The following SBNO2 variants were observed in gnomAD, a reference collection of about 807,000 sequenced individuals.
SBNO2 encodes strawberry notch homolog 2.
SBNO2 carries 89 observed loss-of-function variants against 146.3 expected under a neutral mutation model. That is an observed-to-expected ratio of 0.61 (90% CI 0.51 to 0.73). The LOEUF (loss-of-function observed/expected upper bound fraction) is 0.73, where lower values mean the gene tolerates loss of function less well. Ranked by LOEUF, SBNO2 falls within the 30% of genes least tolerant of loss-of-function variation. The pLI is 0.00. For missense variants in SBNO2, 2,092 were observed against 2,003.7 expected (o/e 1.04, Z -0.84); for synonymous variants, 1,147 against 892.6 (o/e 1.29, Z -5.08).
At chr19:1,123,157 TG>T in intron 7 of SBNO2, 112 bp from the exon 8 acceptor site, 3 of 1,253,758 alleles carry the variant, frequency 2.4e-6, no homozygotes, top group Non-Finnish European at 2.2e-6. Context: ...CGGGGCAGTT[TG>T]GGGGCGTGGC....
In SBNO2 at chr19:1,112,255, G is replaced by T; in HGVS notation, c.2562C>A (p.Phe854Leu). The T allele has an allele frequency of 1.3e-6, 2 of 1,593,602 alleles. No individual in the cohort carries two copies. Among genetic ancestry groups the T allele is most frequent in the East Asian group, 2.3e-5 (1 of 44,026 alleles). ...SNQVSAPEYV[F>L]LISELAGERR... ...GCTCCCCGGCCAGCTCCGAGATGAGGAAGACATACTCTGGCGCGGAGACCT... is the reference window on the plus strand; with the variant it reads ...GCTCCCCGGCCAGCTCCGAGATGAGTAAGACATACTCTGGCGCGGAGACCT... Residue 854 changes from phenylalanine (F) to leucine (L), a missense_variant, in exon 22 of 32, where the codon TTC becomes TTA. Transcript: ENST00000361757. The surrounding 1 kb of genome is among the most constrained non-coding windows in gnomAD (Gnocchi z 5.9).
intron 19 of SBNO2, 93 bp downstream of exon 19, chr19:1,113,442 G>T: frequency 8.8e-7 from 1 of 1,138,080 alleles, no homozygotes; most frequent in East Asian, 2.9e-5. Flanking sequence ...AGAGTGACCA[G>T]CAGGGGCCAC....
At chr19:1,124,130 C>A in intron 5 of SBNO2, 108 bp from the exon 6 acceptor site, 2 of 996,714 alleles carry the variant, frequency 2.0e-6, no homozygotes, top group East Asian at 2.6e-5. Flanking sequence ...CCGTCCTCGC[C>A]TCCCCATCCT....
At chr19:1,117,263 A>G in intron 15 of SBNO2, 60 bp downstream of exon 15, 1 of 1,469,360 alleles carries the variant, frequency 6.8e-7, no homozygotes, top group Non-Finnish European at 9.1e-7. Flanking sequence ...CTGGAAGAAG[A>G]GCAGCCTCCG....
intron 1 of SBNO2, among the ~76,000 whole-genome samples, chr19:1,169,917 C>G (rs1224222586): frequency 1.3e-5 from 2 of 152,186 alleles, no homozygotes; most frequent in Admixed American, 6.5e-5. Flanking sequence ...GTGTCCCCAA[C>G]AGCAGTCACT....
At chr19:1,122,592 T>TTCCCCCCC in intron 9 of SBNO2, 34 bp from the exon 10 acceptor site, 1 of 1,455,728 alleles carries the variant, frequency 6.9e-7, no homozygotes, top group Non-Finnish European at 9.2e-7. Flanking sequence ...CGCCCACCCT[T>TTCCCCCCC]CCCCCTCGCC....
rs755246398 is a variant in SBNO2 at position 1,109,652 on chromosome 19, A to G, written c.3123+31T>C. 8.7e-6 allele frequency: 14 copies of G among 1,600,356 alleles called. No homozygotes were observed. The highest frequency in any genetic ancestry group is 1.1e-5 in the Non-Finnish European group (13 of 1,173,276). ...AGTGTGGTGGGGGCGGGGTGGGCAG[A>G]GTGTGAGGGGCTGTGGGGCTTCCTG... is the stretch of plus-strand genomic sequence containing the variant. On this transcript the variant is annotated intron_variant, in intron 27 of 31. Coordinates refer to ENST00000361757, the MANE Select transcript of SBNO2 (RefSeq NM_014963.3). The surrounding 1 kb of genome is among the most constrained non-coding windows in gnomAD (Gnocchi z 4.2).
intron 2 of SBNO2, among the ~76,000 whole-genome samples, chr19:1,152,161 G>C (rs1184592745): frequency 6.6e-6 from 1 of 152,188 alleles, no homozygotes; most frequent in African/African-American, 2.4e-5. Context: ...CCCGGCCTGA[G>C]CCCTGTGGCT....
At position 1,108,167 on chromosome 19, in the gene SBNO2, C is replaced by T. The variant is rs2079694712; in HGVS notation, c.*53G>A. The T allele has an allele frequency of 1.3e-6, 2 of 1,482,506 alleles. No homozygotes were observed. Among genetic ancestry groups the T allele is most frequent in the South Asian group, 1.2e-5 (1 of 80,500 alleles). The allele number at this position is 1,482,506 out of a possible 1,614,324, so 91.8% of individuals were successfully genotyped here. A position where few individuals can be genotyped will look rare whatever the true frequency, so the allele number is the denominator to read the frequency against. On this transcript the variant is annotated 3_prime_UTR_variant, in exon 32 of 32. Transcript: ENST00000361757. Reference sequence around the variant, plus strand: ...CTTGGCCCTGCTCCCCACCGCTGCTCCTAGGGGAGAAACGGTCCCTGTGTC... The same window carrying T: ...CTTGGCCCTGCTCCCCACCGCTGCTTCTAGGGGAGAAACGGTCCCTGTGTC...
At chr19:1,151,633 CCAGA>C (rs1233229592) in intron 2 of SBNO2, among the ~76,000 whole-genome samples, 2 of 152,198 alleles carry the variant, frequency 1.3e-5, no homozygotes, top group Non-Finnish European at 2.9e-5. Flanking sequence ...CTGACCCTGC[CCAGA>C]CAATCAGAGC....
intron 4 of SBNO2, among the ~76,000 whole-genome samples, chr19:1,134,601 CCACACAGACAGGAAAAGCATTCAGGTT>C: frequency 6.6e-6 from 1 of 152,268 alleles, no homozygotes; most frequent in South Asian, 2.1e-4. Context: ...GAACAGGAAT[CCACACAGACAGGAAAAGCATTCAGGTT>C]ATCAGGGGGT....
intron 1 of SBNO2, among the ~76,000 whole-genome samples, chr19:1,159,410 A>T: frequency 8.6e-6 from 1 of 115,802 alleles, no homozygotes. Context: ...GAGCCAAGGG[A>T]GGGTCAGCCC....
At chr19:1,168,177 T>C (rs1446095737) in intron 1 of SBNO2, among the ~76,000 whole-genome samples, 1 of 152,044 alleles carries the variant, frequency 6.6e-6, no homozygotes, top group Non-Finnish European at 1.5e-5. Context: ...AATTCAAGCA[T>C]CCACACCCCC....
chr19:1,109,370 G>C lies in SBNO2; in HGVS notation c.3270C>G (p.Phe1090Leu). Residue 1090 changes from phenylalanine to leucine, a missense_variant, in exon 29 of 32, where the codon TTC (phenylalanine) becomes TTG (leucine). Phe to Leu is a conservative substitution (Grantham distance 22). Coordinates refer to ENST00000361757, the MANE Select transcript of SBNO2 (RefSeq NM_014963.3). This position sits in a 1 kb window ranked among gnomAD's most constrained non-coding sequence, Gnocchi z 4.2. ...CLLAEQNRGQ[F>L]FTVYKPNIGR... ...CGATGTTGGGCTTGTACACCGTGAA[G>C]AACTGGCCGCGGTTCTGCTCCGCCA... is the stretch of plus-strand genomic sequence containing the variant. 6.3e-7 allele frequency: 1 copy of C among 1,581,508 alleles called. No homozygotes were observed. Among genetic ancestry groups the C allele is most frequent in the Non-Finnish European group, 8.6e-7 (1 of 1,164,806 alleles).
chr19:1,112,009 T>A lies in SBNO2; in HGVS notation c.2687A>T (p.Asn896Ile). The A allele has an allele frequency of 1.2e-6, 2 of 1,610,754 alleles. No individual in the cohort carries two copies. The highest frequency in any genetic ancestry group is 1.7e-6 in the Non-Finnish European group (2 of 1,179,132). Reference protein sequence around the residue: ...ATESRDLSKYNFENKYGTRAL... With the variant: ...ATESRDLSKYIFENKYGTRAL... ...TCCCTGCAGTACCTTGTTCTCAAAG[T>A]TGTACTTGCTGAGGTCACGGGACTC... is the stretch of plus-strand genomic sequence containing the variant. Residue 896 changes from asparagine (N) to isoleucine (I), a missense_variant, in exon 23 of 32, where the codon AAC becomes ATC. Transcript: ENST00000361757. This position sits in a 1 kb window ranked among gnomAD's most constrained non-coding sequence, Gnocchi z 5.9.
Position 1,127,703 on chromosome 19 carries a change from CAG to C in SBNO2, c.340_341del (p.Leu114ValfsTer13). On this transcript the variant is annotated frameshift_variant, in exon 5 of 32. Transcript: ENST00000361757. LOFTEE classifies it high-confidence loss of function. ...ISIFSSSVDSLSDIVDTPDFL... is the reference protein window; with the variant it reads ...ISIFSSSVDSXSDIVDTPDFL... Reference sequence around the variant, plus strand: ...AGTCGGGCGTGTCCACGATGTCCGACAGGGAGTCCACGGACGAGGAGAAGATG... The same window carrying C: ...AGTCGGGCGTGTCCACGATGTCCGACGGAGTCCACGGACGAGGAGAAGATG... 1.2e-6 allele frequency: 2 copies of C among 1,613,586 alleles called. No individual in the cohort carries two copies. The highest frequency in any genetic ancestry group is 1.7e-6 in the Non-Finnish European group (2 of 1,179,862).
Position 1,109,674 on chromosome 19 carries a change from C to T in SBNO2, c.3123+9G>A, listed in dbSNP as rs746628453. 3 of 1,607,266 alleles carry T rather than the reference C, an allele frequency of 1.9e-6. No individual in the cohort carries two copies. Among genetic ancestry groups the T allele is most frequent in the African/African-American group, 1.3e-5 (1 of 74,702 alleles). ...CAGAGTGTGAGGGGCTGTGGGGCTT[C>T]CTGCTGACCTTGTAGAAGACCACCT... On this transcript the variant is annotated intron_variant, in intron 27 of 31. Coordinates refer to ENST00000361757, the MANE Select transcript of SBNO2 (RefSeq NM_014963.3). This position sits in a 1 kb window ranked among gnomAD's most constrained non-coding sequence, Gnocchi z 4.2.
chr19:1,133,949 C>A (rs780862667), intron 4 of SBNO2, among the ~76,000 whole-genome samples: 8 of 152,242 alleles, frequency 5.3e-5, no homozygotes, highest in East Asian at 1.9e-4. Flanking sequence ...GCTGCACTCC[C>A]ACGTGCCATC....
chr19:1,168,546 G>C (rs1162580956), intron 1 of SBNO2: 1 of 152,404 alleles, frequency 6.6e-6, no homozygotes, highest in East Asian at 1.9e-4. Flanking sequence ...CCTGGCGGCT[G>C]TCTGTCCCCA....
Sources: gnomAD v4.1 joint callset for allele counts (sites outside exome capture counted in the v4.1 genomes callset) on GRCh38, gnomAD v4.1.1 for gene constraint, Gnocchi (gnomAD v3.1) non-coding constraint, MANE v1.5 for transcripts, NCBI Gene and HGNC (gene_info 2026-07-23, HGNC 2026-07-21) for gene names.